AUTS2: variants seen among roughly 807,000 people sequenced by gnomAD.
AUTS2 encodes autism susceptibility gene 2 protein.
In AUTS2, 17 loss-of-function variants were observed where a neutral mutation model predicts 112.4. The observed-to-expected ratio is 0.15, with a 90% CI of 0.10 to 0.23. The LOEUF (loss-of-function observed/expected upper bound fraction) is 0.23, where lower values mean the gene tolerates loss of function less well. Ranked by LOEUF, AUTS2 falls within the 10% of genes least tolerant of loss-of-function variation. The pLI is 1.00. For synonymous variants in AUTS2, 751 were observed against 702.7 expected, an observed-to-expected ratio of 1.07 and a Z score of -1.09; for missense variants, 1,510 against 1,701.6, an observed-to-expected ratio of 0.89 and a Z score of 1.98.
chr7:70,296,236 C>T (rs185360649), intron 4 of AUTS2, among the ~76,000 whole-genome samples: 12 of 152,210 alleles, frequency 7.9e-5, no homozygotes, highest in Admixed American at 5.9e-4. Context: ...TTGGAAGTAT[C>T]GCATAGTTGA....
chr7:69,901,455 G>T (rs1266148821), intron 2 of AUTS2, among the ~76,000 whole-genome samples: 1 of 152,160 alleles, frequency 6.6e-6, no homozygotes, highest in East Asian at 1.9e-4. Flanking sequence ...GACTTTCAAG[G>T]TCCTCTGGTG....
At position 69,601,618 on chromosome 7, in the gene AUTS2, C is replaced by G. The variant is rs541933548; in HGVS notation, c.309+1656C>G. Among the ~76,000 whole-genome samples the G allele has an allele frequency of 1.5e-4, 22 of 151,246 alleles. No individual in the cohort carries two copies. In the South Asian group the frequency reaches 4.4e-3, roughly 30 times the overall value. On this transcript the variant is annotated intron_variant, in intron 1 of 18. Coordinates refer to ENST00000342771, the MANE Select transcript of AUTS2 (RefSeq NM_015570.4). ...TGATGTTGGTGGTATTGGTGGTGGT[C>G]GTAGATTTTGATGTTAGTGATTGAA...
intron 4 of AUTS2, among the ~76,000 whole-genome samples, chr7:70,341,144 G>A (rs1375054244): frequency 1.3e-5 from 2 of 152,136 alleles, no homozygotes; most frequent in African/African-American, 2.4e-5. Flanking sequence ...TTCTCATTCT[G>A]TCAGCTTCCC....
At chr7:70,171,251 A>G (rs1018242639) in intron 4 of AUTS2, among the ~76,000 whole-genome samples, 2 of 152,226 alleles carry the variant, frequency 1.3e-5, no homozygotes, top group African/African-American at 4.8e-5. Context: ...ACAGACGTTG[A>G]TAAGATTTCA....
chr7:69,806,197 CT>C (rs56704400), intron 1 of AUTS2, among the ~76,000 whole-genome samples: 5,051 of 54,766 alleles, frequency 0.092, 88 homozygotes, highest in Middle Eastern at 0.15. Flanking sequence ...CCAGCCAAGG[CT>C]TTTTTTTTTT....
At chr7:69,821,209 G>C (rs1790976182) in intron 1 of AUTS2, among the ~76,000 whole-genome samples, 1 of 152,174 alleles carries the variant, frequency 6.6e-6, no homozygotes. Flanking sequence ...CAGAGGAGTA[G>C]AGATATGAAG....
intron 4 of AUTS2, among the ~76,000 whole-genome samples, chr7:70,213,460 G>A (rs1020927929): frequency 2.0e-5 from 3 of 150,528 alleles, no homozygotes; most frequent in African/African-American, 4.9e-5. Flanking sequence ...TGGATCACTT[G>A]AGGAGTTTGA....
At chr7:70,658,241 G>A (rs1411125180) in intron 5 of AUTS2, among the ~76,000 whole-genome samples, 1 of 152,180 alleles carries the variant, frequency 6.6e-6, no homozygotes, top group Non-Finnish European at 1.5e-5. Flanking sequence ...GTCTCAGCTT[G>A]CAGCCTGAGG....
At chr7:69,736,022 T>C (rs1292892874) in intron 1 of AUTS2, among the ~76,000 whole-genome samples, 1 of 152,232 alleles carries the variant, frequency 6.6e-6, no homozygotes, top group African/African-American at 2.4e-5. Context: ...CCTATAGTGC[T>C]GGATTTCCAG....
intron 4 of AUTS2, among the ~76,000 whole-genome samples, chr7:70,153,669 C>T (rs1807579804): frequency 6.6e-6 from 1 of 152,062 alleles, no homozygotes; most frequent in South Asian, 2.1e-4. Flanking sequence ...GCCTCTTTTC[C>T]TATCTTTCTG....
intron 4 of AUTS2, among the ~76,000 whole-genome samples, chr7:70,155,043 C>T (rs1278395821): frequency 6.6e-6 from 1 of 152,146 alleles, no homozygotes; most frequent in Non-Finnish European, 1.5e-5. Context: ...TGGTTTTGTT[C>T]TTCCCAGGTG....
chr7:70,383,477 AC>A (rs1192185543), intron 4 of AUTS2, among the ~76,000 whole-genome samples: 9 of 152,232 alleles, frequency 5.9e-5, no homozygotes, highest in Admixed American at 4.6e-4. Context: ...ATTTCTTGTT[AC>A]ATAATCTGCA....
At chr7:70,381,102 G>A (rs920135732) in intron 4 of AUTS2, among the ~76,000 whole-genome samples, 2 of 152,092 alleles carry the variant, frequency 1.3e-5, no homozygotes, top group African/African-American at 4.8e-5. Context: ...GGTTGAATTA[G>A]TCTATTACCT....
chr7:69,851,445 T>A (rs1584340023), intron 1 of AUTS2, among the ~76,000 whole-genome samples: 1 of 152,354 alleles, frequency 6.6e-6, no homozygotes, highest in Non-Finnish European at 1.5e-5. Context: ...AGACAGTGTC[T>A]CGCCATGTTG....
intron 5 of AUTS2, among the ~76,000 whole-genome samples, chr7:70,473,706 G>T (rs1212209817): frequency 1.3e-5 from 2 of 150,174 alleles, no homozygotes; most frequent in African/African-American, 4.9e-5. Flanking sequence ...TGTTTTTTTG[G>T]TGGGGCTTTT....
intron 3 of AUTS2, among the ~76,000 whole-genome samples, chr7:70,124,670 C>T (rs1251758517): frequency 6.6e-6 from 1 of 151,922 alleles, no homozygotes; most frequent in African/African-American, 2.4e-5. Flanking sequence ...TCAAGTGATT[C>T]TTCTGCCTCA....
At chr7:70,614,960 A>G (rs754379775) in intron 5 of AUTS2, among the ~76,000 whole-genome samples, 6 of 152,180 alleles carry the variant, frequency 3.9e-5, no homozygotes, top group Admixed American at 6.5e-5. Flanking sequence ...TCTGCCTTCC[A>G]GACTGGACAC....
chr7:70,612,776 A>T (rs1278983273), intron 5 of AUTS2, among the ~76,000 whole-genome samples: 2 of 151,218 alleles, frequency 1.3e-5, no homozygotes, highest in Admixed American at 6.6e-5. Flanking sequence ...GTTAGGATTT[A>T]TTTCTTCTTT....
chr7:70,460,570 C>G (rs1229449939), intron 5 of AUTS2, among the ~76,000 whole-genome samples: 1 of 151,798 alleles, frequency 6.6e-6, no homozygotes. Context: ...AGGCTGGTCT[C>G]GAACTCCTGA....
Sources: gnomAD v4.1 joint callset for allele counts (sites outside exome capture counted in the v4.1 genomes callset) on GRCh38, gnomAD v4.1.1 for gene constraint, MANE v1.5 for transcripts, NCBI Gene and HGNC (gene_info 2026-07-23, HGNC 2026-07-21) for gene names.